The following NUDCD3 variants were observed in gnomAD, a reference collection of about 807,000 sequenced individuals.
NUDCD3 encodes the protein nudC domain-containing protein 3.
Under a neutral mutation model 39.7 loss-of-function variants are expected in NUDCD3, and 13 were observed. The observed-to-expected ratio is 0.33, with a 90% confidence interval of 0.21 to 0.52. The LOEUF is 0.52. Among genes scored for constraint, NUDCD3 ranks in the 20% least tolerant of loss-of-function variants. The pLI is 0.96. For synonymous variants in NUDCD3, 175 were observed against 172.4 expected, an observed-to-expected ratio of 1.02 and a Z score of -0.12; for missense variants, 453 against 458.1, an observed-to-expected ratio of 0.99 and a Z score of 0.10.
At chr7:44,392,859 C>T (rs534134938) in intron 4 of NUDCD3, among the ~76,000 whole-genome samples, 1 of 152,054 alleles carries the variant, frequency 6.6e-6, no homozygotes, top group African/African-American at 2.4e-5. Flanking sequence ...GACACCCCCC[C>T]ACACCAGGAC....
chr7:44,388,006 C>A (rs1270432167), intron 5 of NUDCD3, among the ~76,000 whole-genome samples: 1 of 152,106 alleles, frequency 6.6e-6, no homozygotes, highest in Non-Finnish European at 1.5e-5. Flanking sequence ...GAATCCTGCT[C>A]ATAAAAAATT....
intron 2 of NUDCD3, among the ~76,000 whole-genome samples, chr7:44,438,835 T>C (rs764408222): frequency 5.3e-5 from 8 of 152,316 alleles, no homozygotes; most frequent in Non-Finnish European, 1.0e-4. Context: ...AAACTGCCAC[T>C]ATGCAGGTAC....
chr7:44,484,799 C>T (rs571931521), intron 2 of NUDCD3, among the ~76,000 whole-genome samples, 169 bp downstream of exon 2: 1 of 152,278 alleles, frequency 6.6e-6, no homozygotes, highest in East Asian at 1.9e-4. Flanking sequence ...AACTGACCTC[C>T]CATCCTACAT....
chr7:44,395,182 TTTAAG>T (rs1314681943), intron 4 of NUDCD3, among the ~76,000 whole-genome samples: 1 of 152,248 alleles, frequency 6.6e-6, no homozygotes, highest in African/African-American at 2.4e-5. Flanking sequence ...AGGTTTTAAA[TTTAAG>T]TTAATTAAAA....
intron 2 of NUDCD3, among the ~76,000 whole-genome samples, chr7:44,477,062 C>T (rs893403464): frequency 1.3e-5 from 2 of 152,160 alleles, no homozygotes; most frequent in African/African-American, 2.4e-5. Flanking sequence ...CCTGTAACTG[C>T]GCACAAAGGC....
chr7:44,486,007 G>T (rs1449229902), intron 1 of NUDCD3, among the ~76,000 whole-genome samples: 1 of 152,226 alleles, frequency 6.6e-6, no homozygotes, highest in Non-Finnish European at 1.5e-5. Flanking sequence ...TCCCTGTCAG[G>T]GTATGGGTGG....
chr7:44,468,352 A>C, intron 2 of NUDCD3: 1 of 963,026 alleles, frequency 1.0e-6, no homozygotes, highest in African/African-American at 1.9e-5. Flanking sequence ...AAAACTGCAA[A>C]AAAAAAAAAA....
chr7:44,432,211 G>A (rs1187451201), intron 2 of NUDCD3, among the ~76,000 whole-genome samples: 3 of 152,166 alleles, frequency 2.0e-5, no homozygotes, highest in East Asian at 3.8e-4. Context: ...GAGCCCAGGC[G>A]TTTAAGGTTA....
At chr7:44,434,182 T>C (rs1218883186) in intron 2 of NUDCD3, among the ~76,000 whole-genome samples, 1 of 152,162 alleles carries the variant, frequency 6.6e-6, no homozygotes, top group African/African-American at 2.4e-5. Flanking sequence ...TGAGAGCTCG[T>C]CCACTCATGC....
intron 2 of NUDCD3, among the ~76,000 whole-genome samples, chr7:44,449,273 CAT>C (rs945897073): frequency 1.3e-5 from 2 of 152,196 alleles, no homozygotes; most frequent in African/African-American, 2.4e-5. Context: ...AAGCCAAACA[CAT>C]GTGTTTCAAC....
intron 1 of NUDCD3, among the ~76,000 whole-genome samples, chr7:44,488,176 A>C (rs562305495): frequency 5.9e-5 from 9 of 151,348 alleles, no homozygotes; most frequent in African/African-American, 1.9e-4. Context: ...CTCTACTAAA[A>C]ATACAAAAAT....
intron 2 of NUDCD3, among the ~76,000 whole-genome samples, chr7:44,471,478 A>G (rs1800256847): frequency 6.6e-6 from 1 of 152,218 alleles, no homozygotes; most frequent in Admixed American, 6.5e-5. Flanking sequence ...TAGGTGATCT[A>G]GGTCAGTCCC....
intron 3 of NUDCD3, among the ~76,000 whole-genome samples, chr7:44,410,290 C>A (rs1398352907): frequency 6.6e-6 from 1 of 152,170 alleles, no homozygotes; most frequent in Admixed American, 6.5e-5. Flanking sequence ...TCAGAACTTA[C>A]TATAAAGCTA....
chr7:44,389,246 G>A (rs1798463919), intron 5 of NUDCD3, among the ~76,000 whole-genome samples: 1 of 149,676 alleles, frequency 6.7e-6, no homozygotes, highest in Non-Finnish European at 1.5e-5. Flanking sequence ...CCTTGAGGTT[G>A]GCCTGTCCCG....
intron 1 of NUDCD3, among the ~76,000 whole-genome samples, chr7:44,487,418 G>A (rs1800633265): frequency 6.6e-6 from 1 of 151,654 alleles, no homozygotes; most frequent in East Asian, 1.9e-4. Context: ...GGGTGGAGAG[G>A]CAGACCCCAG....
chr7:44,407,403 C>A (rs1357820479), intron 3 of NUDCD3, among the ~76,000 whole-genome samples: 1 of 151,190 alleles, frequency 6.6e-6, no homozygotes, highest in Non-Finnish European at 1.5e-5. Flanking sequence ...CCGTCTCTAC[C>A]AAAAATACAA....
At chr7:44,389,255 C>T (rs889737070) in intron 5 of NUDCD3, among the ~76,000 whole-genome samples, 1 of 148,538 alleles carries the variant, frequency 6.7e-6, no homozygotes, top group African/African-American at 2.4e-5. Flanking sequence ...TGGCCTGTCC[C>T]GAACTGACAG....
chr7:44,400,253 C>T (rs888848379), intron 4 of NUDCD3, among the ~76,000 whole-genome samples: 2 of 149,008 alleles, frequency 1.3e-5, no homozygotes, highest in Non-Finnish European at 3.0e-5. Flanking sequence ...TCTCATTTAA[C>T]ATTCTGAAGT....
chr7:44,460,065 CAGAG>C (rs1253618397), intron 2 of NUDCD3, among the ~76,000 whole-genome samples: 2 of 152,130 alleles, frequency 1.3e-5, no homozygotes, highest in Non-Finnish European at 2.9e-5. Context: ...AACATTAAAG[CAGAG>C]AGAAATTTCT....
Sources: gnomAD v4.1 joint callset for allele counts (sites outside exome capture counted in the v4.1 genomes callset) on GRCh38, gnomAD v4.1.1 for gene constraint, MANE v1.5 for transcripts, NCBI Gene and HGNC (gene_info 2026-07-23, HGNC 2026-07-21) for gene names.